CPAMD8: variants seen among roughly 807,000 people sequenced by gnomAD.
CPAMD8 encodes C3 and PZP like alpha-2-macroglobulin domain containing 8, also known as C3 and PZP-like alpha-2-macroglobulin domain-containing protein 8.
Under a neutral mutation model 224.7 loss-of-function variants are expected in CPAMD8, and 146 were observed. The observed-to-expected ratio is 0.65, with a 90% CI of 0.57 to 0.75. The LOEUF (loss-of-function observed/expected upper bound fraction) is 0.75. Ranked by LOEUF, CPAMD8 falls within the 30% of genes least tolerant of loss-of-function variation. CPAMD8 has a pLI of 0.00. For synonymous variants in CPAMD8, 966 were observed against 1,044.6 expected (o/e 0.92, Z 1.45); for missense variants, 2,301 against 2,537.5 (o/e 0.91, Z 2.00).
chr19:16,897,408 A>G (rs976000303), intron 39 of CPAMD8: 1 of 457,076 alleles, frequency 2.2e-6, no homozygotes, highest in Non-Finnish European at 3.8e-6. Flanking sequence ...CAGTGACCAC[A>G]CCCTCACTGG....
chr19:16,948,698 C>A (rs1226956799), intron 20 of CPAMD8, among the ~76,000 whole-genome samples: 1 of 150,640 alleles, frequency 6.6e-6, no homozygotes, highest in Non-Finnish European at 1.5e-5. Context: ...CACACCACTG[C>A]ACTCCAGCCT....
rs984482084 is a variant in CPAMD8, at chr19:16,896,517, C to T, written c.5214G>A (p.Arg1738=). 2.0e-5 allele frequency: 28 copies of T among 1,434,298 alleles called. No individual in the cohort carries two copies. Among genetic ancestry groups the T allele is most frequent in the East Asian group, 2.7e-5 (1 of 37,530 alleles). 88.8% of individuals were successfully genotyped at this position (1,434,298 alleles called of 1,614,324 possible). ...GVVYASACRL[R]EAACRQAAPL... is the part of the protein sequence containing the mutation. ...GCGCGGCCTGGCGGCAGGCGGCCTC[C>T]CGCAGGCGGCAGGCGCTGGCGTAGA... is the stretch of plus-strand genomic sequence containing the variant. The change falls in exon 40 of 42, where the codon CGG becomes CGA. Residue 1738 remains arginine, a synonymous_variant. Coordinates refer to ENST00000443236, the MANE Select transcript of CPAMD8 (RefSeq NM_015692.5).
chr19:16,993,578 T>C lies in CPAMD8; in HGVS notation c.1104A>G (p.Leu368=), dbSNP rs774779055. 4 of 1,614,092 alleles carry C rather than the reference T, an allele frequency of 2.5e-6. No individual in the cohort carries two copies. Among genetic ancestry groups the C allele is most frequent in the Non-Finnish European group, 3.4e-6 (4 of 1,179,970 alleles). ...CAGCTGGGCTGCCATCGGGGTAGGA[T>C]AGCTCCACCTAGAAAAGGTCACCCA... The part of the protein sequence containing the change: ...PGLAYVGKVE[L]SYPDGSPAEG... The change falls in exon 12 of 42, where the codon CTA becomes CTG. Residue 368 remains leucine, a synonymous_variant. Transcript: ENST00000443236.
intron 3 of CPAMD8, among the ~76,000 whole-genome samples, chr19:17,019,252 A>G (rs2056891196): frequency 6.6e-6 from 1 of 151,766 alleles, no homozygotes; most frequent in South Asian, 2.1e-4. Flanking sequence ...GCCCCCGAGT[A>G]GCTGGGATTA....
At chr19:16,931,454 G>A (rs923447076) in intron 23 of CPAMD8, among the ~76,000 whole-genome samples, 3 of 152,144 alleles carry the variant, frequency 2.0e-5, no homozygotes, top group African/African-American at 7.2e-5. Context: ...TACCCAGCCT[G>A]TCACAGCCAC....
chr19:16,921,919 T>G lies in CPAMD8; in HGVS notation c.3615A>C (p.Ala1205=), dbSNP rs527695793. ...TGGGGACTCACCACATGCTCCCCGA[T>G]GCGTCCCGCTCCCCAAACGCGCTGT... ...GSYSAFGERD[A]SGSMWLTAFV... Residue 1205 remains alanine, a synonymous_variant, in exon 27 of 42, where the codon GCA becomes GCC. Transcript: ENST00000443236. 6.5e-7 allele frequency: 1 copy of G among 1,545,214 alleles called. No homozygotes were observed. Among genetic ancestry groups the G allele is most frequent in the South Asian group, 1.2e-5 (1 of 84,056 alleles).
chr19:17,016,283 T>A (rs1160056918), intron 3 of CPAMD8, among the ~76,000 whole-genome samples: 2 of 152,172 alleles, frequency 1.3e-5, no homozygotes, highest in Non-Finnish European at 2.9e-5. Context: ...GCATCTTTCT[T>A]GGGAATCTCA....
intron 13 of CPAMD8, among the ~76,000 whole-genome samples, chr19:16,988,353 G>A (rs1028185876): frequency 2.6e-5 from 4 of 152,186 alleles, no homozygotes; most frequent in African/African-American, 9.6e-5. Flanking sequence ...GCTCACGCCT[G>A]TAATCCCAGC....
chr19:16,968,867 G>A (rs138447834), intron 18 of CPAMD8, among the ~76,000 whole-genome samples: 1 of 152,108 alleles, frequency 6.6e-6, no homozygotes, highest in Admixed American at 6.6e-5. Flanking sequence ...CAAACTCCTA[G>A]GCTCAAGTGA....
rs192557594 is a variant in CPAMD8 at position 16,938,430 on chromosome 19, C to T, written c.2810G>A (p.Arg937Gln). 6.2e-5 allele frequency: 97 copies of T among 1,577,052 alleles called. 1 individual carries two copies. The East Asian group carries it at 8.2e-4, about 13-fold the overall frequency. The change falls in exon 23 of 42, where the codon CGG becomes CAG. Residue 937 changes from arginine (R) to glutamine (Q), a missense_variant. By Grantham distance (43) the Arg-to-Gln change is conservative. Around this residue, in one of 4 missense-constraint regions of CPAMD8, gnomAD observed 1,709 missense variants for 1,753.2 expected, o/e 0.97. Transcript: ENST00000443236. ...SVMVEAEGVP[R>Q]AYTYSAFFCP... ...GAAGAATGCGCTGTAGGTGTACGCC[C>T]GGGGGACTCCTTCCGCCTGAAACAA...
At chr19:16,896,732 G>T in intron 39 of CPAMD8, 67 bp from the exon 40 acceptor site, 2 of 1,175,332 alleles carry the variant, frequency 1.7e-6, no homozygotes, top group Non-Finnish European at 2.2e-6. Context: ...ACAGAACCTG[G>T]GGGTGGGGAA....
intron 29 of CPAMD8, among the ~76,000 whole-genome samples, chr19:16,909,206 ACCTTGGATTAAGGTGG>A (rs1454300496): frequency 2.6e-5 from 4 of 152,186 alleles, no homozygotes; most frequent in African/African-American, 9.7e-5. Context: ...AGATGAGATC[ACCTTGGATTAAGGTGG>A]CCTCAAATCC....
intron 17 of CPAMD8, among the ~76,000 whole-genome samples, chr19:16,973,775 T>C (rs1048716178): frequency 2.6e-5 from 4 of 151,636 alleles, no homozygotes; most frequent in Non-Finnish European, 5.9e-5. Flanking sequence ...TCCCTTTCTA[T>C]CTATATCACA....
At chr19:17,000,174 A>G (rs1323126111) in intron 10 of CPAMD8, 5 of 398,168 alleles carry the variant, frequency 1.3e-5, no homozygotes, top group Non-Finnish European at 1.8e-5. Flanking sequence ...TTTAGAAAGT[A>G]AAACAGCGGT....
chr19:16,938,480 G>C (rs1214189061), intron 22 of CPAMD8, 34 bp from the exon 23 acceptor site: 2 of 1,323,634 alleles, frequency 1.5e-6, no homozygotes. Flanking sequence ...CTGAGTGCTG[G>C]GGCGGTGAGG....
chr19:16,920,479 CA>C (rs1331589573), intron 27 of CPAMD8, among the ~76,000 whole-genome samples: 2 of 150,634 alleles, frequency 1.3e-5, no homozygotes, highest in Non-Finnish European at 3.0e-5. Context: ...GACTCCGTCT[CA>C]AAAAAAACAA....
intron 11 of CPAMD8, among the ~76,000 whole-genome samples, chr19:16,995,840 T>C (rs2056105629): frequency 6.6e-6 from 1 of 151,918 alleles, no homozygotes; most frequent in African/African-American, 2.4e-5. Context: ...CACAGCAAGA[T>C]CCCATCTCTA....
intron 13 of CPAMD8, among the ~76,000 whole-genome samples, chr19:16,989,007 G>A (rs753119425): frequency 2.0e-5 from 3 of 152,130 alleles, no homozygotes; most frequent in Non-Finnish European, 4.4e-5. Context: ...TCTCATGCCT[G>A]ATGATCTGTC....
chr19:16,953,830 A>G (rs2054377291), intron 19 of CPAMD8, among the ~76,000 whole-genome samples: 1 of 152,214 alleles, frequency 6.6e-6, no homozygotes, highest in African/African-American at 2.4e-5. Context: ...TTGAATAGAC[A>G]TTTCACCAAA....
Sources: gnomAD v4.1 joint callset for allele counts (sites outside exome capture counted in the v4.1 genomes callset) on GRCh38, gnomAD v4.1.1 for gene constraint, gnomAD v4.1.1 regional missense constraint, MANE v1.5 for transcripts, NCBI Gene and HGNC (gene_info 2026-07-23, HGNC 2026-07-21) for gene names.